The following MYBPC3 variants were observed in gnomAD, a reference collection of about 807,000 sequenced individuals.
The protein encoded by MYBPC3 is myosin-binding protein C, cardiac-type.
MYBPC3 carries 108 observed loss-of-function variants against 159.3 expected under a neutral mutation model. The ratio of observed to expected loss-of-function variants is 0.68; its 90% CI spans 0.58 to 0.80. The LOEUF is 0.80. Among genes scored for constraint, MYBPC3 ranks in the 30% least tolerant of loss-of-function variants. MYBPC3 has a pLI of 0.00. For missense variants in MYBPC3, 1,631 were observed against 1,762.1 expected, an observed-to-expected ratio of 0.93 and a Z score of 1.33; for synonymous variants, 730 against 702.0, an observed-to-expected ratio of 1.04 and a Z score of -0.63.
In MYBPC3 at chr11:47,337,549, C is replaced by CTCG. The variant is rs746234586; in HGVS notation, c.2443_2444insCGA (p.Lys814_Ser815insThr). The CTCG allele has an allele frequency of 1.9e-6, 3 of 1,613,890 alleles. No individual in the cohort carries two copies. In the South Asian group the frequency reaches 3.3e-5, roughly 18 times the overall value. On this transcript the variant is annotated inframe_insertion, in exon 25 of 35. Transcript: ENST00000545968. ...GAAGTTCAGCCGCATCCACCGGTAG[C>CTCG]TCTTCTTCTTCTTGCGCTCCAGGAT...
rs1235827840 is a variant in MYBPC3, at chr11:47,346,414, C to A, written c.927-44G>T. 3 of 1,504,544 alleles carry A rather than the reference C, an allele frequency of 2.0e-6. No homozygotes were observed. The highest frequency in any genetic ancestry group is 2.4e-5 in the East Asian group (1 of 41,136). 93.2% of individuals were successfully genotyped at this position (1,504,544 alleles called of 1,614,324 possible). A position where few individuals can be genotyped will look rare whatever the true frequency, so the allele number is the denominator to read the frequency against. Reference sequence around the variant, plus strand: ...GCTGTGGCCGGGGGCAAGACTGCAGCCCCCTGGGCGGGGCTTCCTGGGCCC... The same window carrying A: ...GCTGTGGCCGGGGGCAAGACTGCAGACCCCTGGGCGGGGCTTCCTGGGCCC... On this transcript the variant is annotated intron_variant, in intron 11 of 34. Transcript: ENST00000545968. This position sits in a 1 kb window ranked among gnomAD's most constrained non-coding sequence, Gnocchi z 5.3.
intron 1 of MYBPC3, 39 bp downstream of exon 1, chr11:47,352,584 T>C (rs1472266279): frequency 6.2e-7 from 1 of 1,600,856 alleles, no homozygotes; most frequent in Admixed American, 1.7e-5. Flanking sequence ...GACACCCCCC[T>C]GCTCCCACAC....
intron 18 of MYBPC3, among the ~76,000 whole-genome samples, chr11:47,341,499 G>A (rs901859854): frequency 1.3e-5 from 2 of 152,238 alleles, no homozygotes; most frequent in African/African-American, 2.4e-5. Context: ...GGCAGGGGCT[G>A]GGTCTCATTA....
chr11:47,331,747 GAGGGCCCCTACAGCCTCCC>G lies in MYBPC3; in HGVS notation c.*27-50_*27-32del, dbSNP rs370184195. On this transcript the variant is annotated intron_variant, in intron 34 of 34. Transcript: ENST00000545968. ...ACACAGGTTATCTTACGAGTGAATG[GAGGGCCCCTACAGCCTCCC>G]ATTTACTGATGGCTGCCCCAGGACC... 7.7e-5 allele frequency: 96 copies of G among 1,238,768 alleles called. No homozygotes were observed. In the African/African-American group the frequency reaches 1.0e-3, roughly 13 times the overall value. 76.7% of individuals were successfully genotyped at this position (1,238,768 alleles called of 1,614,324 possible). A position where few individuals can be genotyped will look rare whatever the true frequency, so the allele number is the denominator to read the frequency against.
At chr11:47,342,785 G>C (rs376113875) in intron 16 of MYBPC3, 41 bp from the exon 17 acceptor site, 28 of 1,612,534 alleles carry the variant, frequency 1.7e-5, no homozygotes, top group Non-Finnish European at 2.2e-5. Context: ...GGCCTCTTCT[G>C]GGCAGATGCC....
In MYBPC3 at chr11:47,352,653, G is replaced by A; in HGVS notation, c.-6C>T. The A allele has an allele frequency of 1.9e-6, 3 of 1,593,634 alleles. No homozygotes were observed. The highest frequency in any genetic ancestry group is 2.4e-5 in the East Asian group (1 of 42,268). ...TTCTTCCCCGGCTCAGGCATCCTGA[G>A]AGACGTCACACCAGGCACGAAGCAG... On this transcript the variant is annotated 5_prime_UTR_variant, in exon 1 of 35. Coordinates refer to ENST00000545968, the MANE Select transcript of MYBPC3 (RefSeq NM_000256.3).
rs730880624 is a variant in MYBPC3, at chr11:47,348,487, A to G, written c.709T>C (p.Tyr237His). 2 of 1,613,652 alleles carry G rather than the reference A, an allele frequency of 1.2e-6. No homozygotes were observed. The highest frequency in any genetic ancestry group is 1.7e-6 in the Non-Finnish European group (2 of 1,179,752). Reference protein sequence around the residue: ...TDAQPAFTGSYRCEVSTKDKF... With the variant: ...TDAQPAFTGSHRCEVSTKDKF... ...TCCTTGGTGGACACCTCACAGCGGT[A>G]GCTGCCAGTGAAGGCAGGCTGGGCA... The change falls in exon 6 of 35, where the codon TAC becomes CAC. Residue 237 changes from tyrosine (Y) to histidine (H), a missense_variant. By Grantham distance (83) the Tyr-to-His change is moderately conservative. Coordinates refer to ENST00000545968, the MANE Select transcript of MYBPC3 (RefSeq NM_000256.3).
At chr11:47,335,821 G>A in intron 26 of MYBPC3, 56 bp downstream of exon 26, 14 of 1,346,690 alleles carry the variant, frequency 1.0e-5, no homozygotes, top group African/African-American at 1.5e-5. Context: ...TCTGCTCAAT[G>A]GCAAGGTGAG....
At position 47,332,798 on chromosome 11, in the gene MYBPC3, A is replaced by C. The variant is rs1268249975; in HGVS notation, c.3490+16T>G. The C allele has an allele frequency of 1.3e-6, 2 of 1,599,280 alleles. No individual in the cohort carries two copies. Among genetic ancestry groups the C allele is most frequent in the Non-Finnish European group, 1.7e-6 (2 of 1,172,502 alleles). On this transcript the variant is annotated intron_variant, in intron 31 of 34. Coordinates refer to ENST00000545968, the MANE Select transcript of MYBPC3 (RefSeq NM_000256.3). The surrounding 1 kb of genome is among the most constrained non-coding windows in gnomAD (Gnocchi z 4.2). ...CCCTGCCCCAGCCCCTGGTTGGAAGAATGAGGGTACAGCACCTGGTCTGGG... is the reference window on the plus strand; with the variant it reads ...CCCTGCCCCAGCCCCTGGTTGGAAGCATGAGGGTACAGCACCTGGTCTGGG...
At position 47,351,649 on chromosome 11, in the gene MYBPC3, T is replaced by C. The variant is rs1373672229; in HGVS notation, c.26-144A>G. On this transcript the variant is annotated intron_variant, in intron 1 of 34. Coordinates refer to ENST00000545968, the MANE Select transcript of MYBPC3 (RefSeq NM_000256.3). The surrounding 1 kb of genome is among the most constrained non-coding windows in gnomAD (Gnocchi z 4.2). ...ACCAGTTCTCTGAGGTAGTTGCAGT[T>C]ATTCTGTTCATTTCTCAGAGGAGGA... 9.6e-7 allele frequency: 1 copy of C among 1,040,142 alleles called. No individual in the cohort carries two copies. Among genetic ancestry groups the C allele is most frequent in the Non-Finnish European group, 1.3e-6 (1 of 756,582 alleles). 64.4% of individuals were successfully genotyped at this position (1,040,142 alleles called of 1,614,324 possible). A position where few individuals can be genotyped will look rare whatever the true frequency, so the allele number is the denominator to read the frequency against.
Position 47,338,180 on chromosome 11 carries a change from C to G in MYBPC3, c.2308+340G>C, listed in dbSNP as rs977517273. On this transcript the variant is annotated intron_variant, in intron 23 of 34. Coordinates refer to ENST00000545968, the MANE Select transcript of MYBPC3 (RefSeq NM_000256.3). The surrounding 1 kb of genome is among the most constrained non-coding windows in gnomAD (Gnocchi z 4.7). ...CAAAAGGCCCTTTCCCTCCTCCACC[C>G]CTTTGTACACAGTTTCCTCTGCCTG... 2.0e-5 allele frequency among the ~76,000 whole-genome samples: 3 copies of G among 152,094 alleles called. No homozygotes were observed. The highest frequency in any genetic ancestry group is 4.4e-5 in the Non-Finnish European group (3 of 68,018).
chr11:47,346,417 C>G lies in MYBPC3; in HGVS notation c.927-47G>C. 1 of 1,503,316 alleles carries G rather than the reference C, an allele frequency of 6.7e-7. No homozygotes were observed. Among genetic ancestry groups the G allele is most frequent in the Non-Finnish European group, 8.9e-7 (1 of 1,120,434 alleles). The allele number at this position is 1,503,316 out of a possible 1,614,324, so 93.1% of individuals were successfully genotyped here. A position where few individuals can be genotyped will look rare whatever the true frequency, so the allele number is the denominator to read the frequency against. ...GTGGCCGGGGGCAAGACTGCAGCCCCCTGGGCGGGGCTTCCTGGGCCCAGG... is the reference window on the plus strand; with the variant it reads ...GTGGCCGGGGGCAAGACTGCAGCCCGCTGGGCGGGGCTTCCTGGGCCCAGG... On this transcript the variant is annotated intron_variant, in intron 11 of 34. Coordinates refer to ENST00000545968, the MANE Select transcript of MYBPC3 (RefSeq NM_000256.3). This position sits in a 1 kb window ranked among gnomAD's most constrained non-coding sequence, Gnocchi z 5.3.
Position 47,352,688 on chromosome 11 carries a change from A to G in MYBPC3, c.-41T>C. 6.4e-7 allele frequency: 1 copy of G among 1,553,124 alleles called. No individual in the cohort carries two copies. Among genetic ancestry groups the G allele is most frequent in the Non-Finnish European group, 8.7e-7 (1 of 1,151,244 alleles). On this transcript the variant is annotated 5_prime_UTR_variant, in exon 1 of 35. Transcript: ENST00000545968. Reference sequence around the variant, plus strand: ...ACCAGGCACGAAGCAGGCACAGGTCACCCAAAGAGGGACTGAGTGGGGTCC... The same window carrying G: ...ACCAGGCACGAAGCAGGCACAGGTCGCCCAAAGAGGGACTGAGTGGGGTCC...
Position 47,351,339 on chromosome 11 carries a change from A to G in MYBPC3, c.192T>C (p.His64=). Reference sequence around the variant, plus strand: ...GGCCCACTTCCCGCACTGTCAGCGTATGCCGTGTGCCCTCTGTGGCCAGGC... The same window carrying G: ...GGCCCACTTCCCGCACTGTCAGCGTGTGCCGTGTGCCCTCTGTGGCCAGGC... ...KYGLATEGTR[H]TLTVREVGPA... Residue 64 remains histidine (H), a synonymous_variant, in exon 2 of 35, where the codon CAT becomes CAC. Transcript: ENST00000545968. This position sits in a 1 kb window ranked among gnomAD's most constrained non-coding sequence, Gnocchi z 4.2. 6.3e-7 allele frequency: 1 copy of G among 1,598,930 alleles called. No homozygotes were observed. The highest frequency in any genetic ancestry group is 8.5e-7 in the Non-Finnish European group (1 of 1,173,150).
At chr11:47,334,565 CT>C (rs201598879) in intron 27 of MYBPC3, among the ~76,000 whole-genome samples, 1,601 of 145,892 alleles carry the variant, frequency 0.011, 29 homozygotes, top group African/African-American at 0.035. Context: ...CCTTTCTGCA[CT>C]TTTTTTTTTT....
intron 25 of MYBPC3, among the ~76,000 whole-genome samples, chr11:47,336,861 C>A (rs946889696): frequency 6.6e-6 from 1 of 152,224 alleles, no homozygotes; most frequent in East Asian, 1.9e-4. Flanking sequence ...GTTGGCCCCC[C>A]GGGGACCATG....
chr11:47,337,720 G>A lies in MYBPC3; in HGVS notation c.2383C>T (p.Pro795Ser). Reference sequence around the variant, plus strand: ...ATGGGCTGCCCGCCATCGTAGGCAGGCGGCTCCCACTGTACTGTGCAGGAG... The same window carrying A: ...ATGGGCTGCCCGCCATCGTAGGCAGACGGCTCCCACTGTACTGTGCAGGAG... ...EDSCTVQWEP[P>S]AYDGGQPILG... is the part of the protein sequence containing the mutation. Residue 795 changes from proline (P) to serine (S), a missense_variant, in exon 24 of 35, where the codon CCT (proline) becomes TCT (serine). By Grantham distance (74) the Pro-to-Ser change is moderately conservative (BLOSUM62 -1). Transcript: ENST00000545968. The A allele has an allele frequency of 6.4e-7, 1 of 1,568,704 alleles. No homozygotes were observed. The highest frequency in any genetic ancestry group is 8.6e-7 in the Non-Finnish European group (1 of 1,156,818).
chr11:47,338,416 G>A lies in MYBPC3; in HGVS notation c.2308+104C>T. Reference sequence around the variant, plus strand: ...CTGTCCTGTTGCCGCTCGGCTCAGGGAGCATGCCCGTGATGTTTGTCGAGT... The same window carrying A: ...CTGTCCTGTTGCCGCTCGGCTCAGGAAGCATGCCCGTGATGTTTGTCGAGT... On this transcript the variant is annotated intron_variant, in intron 23 of 34. Transcript: ENST00000545968. The surrounding 1 kb of genome is among the most constrained non-coding windows in gnomAD (Gnocchi z 4.7). 6.5e-7 allele frequency: 1 copy of A among 1,527,776 alleles called. No homozygotes were observed. Among genetic ancestry groups the A allele is most frequent in the Non-Finnish European group, 8.9e-7 (1 of 1,122,628 alleles). The allele number at this position is 1,527,776 out of a possible 1,614,324, so 94.6% of individuals were successfully genotyped here. A position where few individuals can be genotyped will look rare whatever the true frequency, so the allele number is the denominator to read the frequency against.
Position 47,343,057 on chromosome 11 carries a change from C to T in MYBPC3, c.1315G>A (p.Gly439Ser), listed in dbSNP as rs2095890672. The T allele has an allele frequency of 6.2e-7, 1 of 1,613,098 alleles. No individual in the cohort carries two copies. Among genetic ancestry groups the T allele is most frequent in the South Asian group, 1.1e-5 (1 of 90,888 alleles). Reference sequence around the variant, plus strand: ...AGCTCCGTGCTACACTTCTCGCCACCCACCACGCACTGGTAGGCTGCGTCG... The same window carrying T: ...AGCTCCGTGCTACACTTCTCGCCACTCACCACGCACTGGTAGGCTGCGTCG... Reference protein sequence around the residue: ...ADDAAYQCVVGGEKCSTELFV... With the variant: ...ADDAAYQCVVSGEKCSTELFV... Residue 439 changes from glycine (G) to serine (S), a missense_variant, in exon 15 of 35, where the codon GGT becomes AGT. By Grantham distance (56) the Gly-to-Ser change is moderately conservative. Coordinates refer to ENST00000545968, the MANE Select transcript of MYBPC3 (RefSeq NM_000256.3).
Sources: gnomAD v4.1 joint callset for allele counts (sites outside exome capture counted in the v4.1 genomes callset) on GRCh38, gnomAD v4.1.1 for gene constraint, Gnocchi (gnomAD v3.1) non-coding constraint, MANE v1.5 for transcripts, NCBI Gene and HGNC (gene_info 2026-07-23, HGNC 2026-07-21) for gene names.